TMEM214: variants seen among roughly 807,000 people sequenced by gnomAD.
TMEM214 encodes transmembrane protein 214.
In TMEM214, 71 loss-of-function variants were observed where a neutral mutation model predicts 89.8. The observed-to-expected ratio is 0.79, with a 90% confidence interval of 0.65 to 0.96. The LOEUF (loss-of-function observed/expected upper bound fraction) is 0.96. Ranked by LOEUF, TMEM214 falls within the 40% of genes least tolerant of loss-of-function variation. The pLI is 0.00. For missense variants in TMEM214, 754 were observed against 843.4 expected (o/e 0.89, Z 1.31); for synonymous variants, 332 against 349.5 (o/e 0.95, Z 0.56).
At chr2:27,035,551 G>A (rs781630855) in intron 3 of TMEM214, 43 bp from the exon 4 acceptor site, 4 of 1,610,094 alleles carry the variant, frequency 2.5e-6, no homozygotes, top group Non-Finnish European at 3.4e-6. Context: ...AGAGCTGATG[G>A]GTGTCTGGTC....
Position 27,040,434 on chromosome 2 carries a change from A to T in TMEM214, c.1881A>T (p.Pro627=), listed in dbSNP as rs1667787810. The part of the protein sequence containing the change: ...PLLFHQNVLL[P]LWHLLLEALA... ...TTTTCCACCAGAATGTGCTGCTGCC[A>T]CTGTGGCACCTCTTGCTTGAGGCCC... The change falls in exon 16 of 17, where the codon CCA becomes CCT. Residue 627 remains proline (P), a synonymous_variant. Coordinates refer to ENST00000238788, the MANE Select transcript of TMEM214 (RefSeq NM_017727.5). 8.1e-6 allele frequency: 13 copies of T among 1,614,172 alleles called. No homozygotes were observed. In the East Asian group the frequency reaches 2.9e-4, roughly 36 times the overall value.
In TMEM214 at chr2:27,038,093, G is replaced by A. The variant is rs369226571; in HGVS notation, c.1153-53G>A. 19 of 1,613,332 alleles carry A rather than the reference G, an allele frequency of 1.2e-5. No individual in the cohort carries two copies. The East Asian group carries it at 1.6e-4, about 13-fold the overall frequency. On this transcript the variant is annotated intron_variant, in intron 9 of 16. Coordinates refer to ENST00000238788, the MANE Select transcript of TMEM214 (RefSeq NM_017727.5). The surrounding 1 kb of genome is among the most constrained non-coding windows in gnomAD (Gnocchi z 4.4). ...AGGGGATCACCTCTTAGCACTCCCC[G>A]CCTCTGCCAGCCCCATGCCCCCAGC...
At position 27,038,828 on chromosome 2, in the gene TMEM214, G is replaced by A. The variant is rs759412175; in HGVS notation, c.1407+13G>A. On this transcript the variant is annotated intron_variant, in intron 12 of 16. Transcript: ENST00000238788. The surrounding 1 kb of genome is among the most constrained non-coding windows in gnomAD (Gnocchi z 4.4). ...CATGGCCTGCAAGGTGCTGGCACCC[G>A]GTCCTCTCCAGCCCACACGCTATCT... 27 of 1,606,894 alleles carry A rather than the reference G, an allele frequency of 1.7e-5. No homozygotes were observed. Among genetic ancestry groups the A allele is most frequent in the Middle Eastern group, 1.6e-4 (1 of 6,072 alleles).
rs769067968 is a variant in TMEM214 at position 27,039,726 on chromosome 2, G to C, written c.1526-15G>C. On this transcript the variant is annotated splice_polypyrimidine_tract_variant and intron_variant, in intron 13 of 16. Coordinates refer to ENST00000238788, the MANE Select transcript of TMEM214 (RefSeq NM_017727.5). ...CCTCTCACCTCCCAGCTCACCAGAG[G>C]CCCCCTTTACTTAGCCTCCCTTACT... The C allele has an allele frequency of 1.2e-6, 2 of 1,612,184 alleles. No individual in the cohort carries two copies. The highest frequency in any genetic ancestry group is 8.5e-7 in the Non-Finnish European group (1 of 1,178,356).
intron 16 of TMEM214, 99 bp from the exon 17 acceptor site, chr2:27,040,612 G>A: frequency 1.3e-6 from 2 of 1,585,482 alleles, no homozygotes; most frequent in Admixed American, 3.4e-5. Flanking sequence ...TCCCATTCCT[G>A]GCCACCCTGG....
At chr2:27,035,366 C>G in intron 3 of TMEM214, 81 bp downstream of exon 3, 1 of 1,566,678 alleles carries the variant, frequency 6.4e-7, no homozygotes. Flanking sequence ...CAGTGCCCCA[C>G]ACTGTCCTGA....
rs1303629998 is a variant in TMEM214, at chr2:27,035,227, T to C, written c.444T>C (p.Tyr148=). ...TATGGTTGAAGGACCTGGCCAGCTA[T>C]CTCAACTACAAGCTACAAGCTCCTC... is the stretch of plus-strand genomic sequence containing the variant. ...PSIWLKDLAS[Y]LNYKLQAPLS... Residue 148 remains tyrosine, a synonymous_variant, in exon 3 of 17, where the codon TAT becomes TAC. Coordinates refer to ENST00000238788, the MANE Select transcript of TMEM214 (RefSeq NM_017727.5). The C allele has an allele frequency of 6.2e-7, 1 of 1,614,202 alleles. No homozygotes were observed. Among genetic ancestry groups the C allele is most frequent in the Non-Finnish European group, 8.5e-7 (1 of 1,180,034 alleles).
At chr2:27,039,586 TCCC>T in intron 13 of TMEM214, 152 bp from the exon 14 acceptor site, 1 of 700,818 alleles carries the variant, frequency 1.4e-6, no homozygotes, top group Non-Finnish European at 2.6e-6. Flanking sequence ...TCTGCATGCC[TCCC>T]TCCACAGCAG....
chr2:27,038,158 C>T lies in TMEM214; in HGVS notation c.1165C>T (p.Leu389=). 1 of 1,614,150 alleles carries T rather than the reference C, an allele frequency of 6.2e-7. No individual in the cohort carries two copies. The highest frequency in any genetic ancestry group is 8.5e-7 in the Non-Finnish European group (1 of 1,180,016). Residue 389 remains leucine (L), a synonymous_variant, in exon 10 of 17, where the codon CTG becomes TTG. Coordinates refer to ENST00000238788, the MANE Select transcript of TMEM214 (RefSeq NM_017727.5). The surrounding 1 kb of genome is among the most constrained non-coding windows in gnomAD (Gnocchi z 4.4). ...TCGTGCTGTGCAGCTCCTGAGCAGC[C>T]TGACTGAGTGCCTGACGGTGGACCC... ...PEMKKELLSS[L]TECLTVDPLS...
chr2:27,040,088 A>G lies in TMEM214; in HGVS notation c.1681A>G (p.Ser561Gly), dbSNP rs1342376203. 1 of 1,609,184 alleles carries G rather than the reference A, an allele frequency of 6.2e-7. No individual in the cohort carries two copies. Among genetic ancestry groups the G allele is most frequent in the East Asian group, 2.2e-5 (1 of 44,874 alleles). Residue 561 changes from serine to glycine, a missense_variant, in exon 15 of 17, where the codon AGC (serine) becomes GGC (glycine). By Grantham distance (56) the Ser-to-Gly change is moderately conservative. Coordinates refer to ENST00000238788, the MANE Select transcript of TMEM214 (RefSeq NM_017727.5). ...GSHLLTVVRP[S>G]LQLAWAHTNA... ...CCACCTGCTCACCGTGGTGCGGCCC[A>G]GCTTGCAGCTGGCCTGGGCTCACAC...
chr2:27,039,567 A>C (rs1667727767), intron 13 of TMEM214, 174 bp from the exon 14 acceptor site: 1 of 642,876 alleles, frequency 1.6e-6, no homozygotes, highest in Non-Finnish European at 2.8e-6. Context: ...CCAGCAGGAG[A>C]AGGGCAGCTC....
Position 27,034,234 on chromosome 2 carries a change from C to G in TMEM214, c.319C>G (p.Arg107Gly). ...TCCCAACCAAAACCAGAAGCAGGGC[C>G]GCTTCCGCAGCCTGGAGGAAGCACT... Reference protein sequence around the residue: ...TPPNQNQKQGRFRSLEEALKA... With the variant: ...TPPNQNQKQGGFRSLEEALKA... Residue 107 changes from arginine (R) to glycine (G), a missense_variant, in exon 2 of 17, where the codon CGC becomes GGC. Physicochemically the swap from Arg to Gly is moderately radical, Grantham distance 125. Transcript: ENST00000238788. 6.2e-7 allele frequency: 1 copy of G among 1,614,066 alleles called. No individual in the cohort carries two copies. The highest frequency in any genetic ancestry group is 8.5e-7 in the Non-Finnish European group (1 of 1,180,046).
intron 5 of TMEM214, among the ~76,000 whole-genome samples, 160 bp downstream of exon 5, chr2:27,036,212 C>A (rs919427195): frequency 6.6e-6 from 1 of 152,224 alleles, no homozygotes; most frequent in Non-Finnish European, 1.5e-5. Context: ...GCTCTGGAAA[C>A]ATAGGAGCAA....
Position 27,037,984 on chromosome 2 carries a change from C to T in TMEM214, c.1153-162C>T, listed in dbSNP as rs1281193897. On this transcript the variant is annotated intron_variant, in intron 9 of 16. Transcript: ENST00000238788. ...GAGCCCCAGCCTCCTGCTTTACAGC[C>T]TCTCAGAGAGCTTTCTGGAGTCTTG... The T allele has an allele frequency of 3.8e-6, 6 of 1,564,548 alleles. No individual in the cohort carries two copies. In the African/African-American group the frequency reaches 8.2e-5, roughly 21 times the overall value.
rs1307403361 is a variant in TMEM214, at chr2:27,035,009, G to T, written c.352-126G>T. 12 of 1,025,394 alleles carry T rather than the reference G, an allele frequency of 1.2e-5. No individual in the cohort carries two copies. In the South Asian group the frequency reaches 1.6e-4, roughly 13 times the overall value. 63.5% of individuals were successfully genotyped at this position (1,025,394 alleles called of 1,614,324 possible). On this transcript the variant is annotated intron_variant, in intron 2 of 16. Coordinates refer to ENST00000238788, the MANE Select transcript of TMEM214 (RefSeq NM_017727.5). ...GAATTGCAGCATTCCATGTTCTTAT[G>T]CTTAAAAATGGAATCCCTTCTTCCT... is the stretch of plus-strand genomic sequence containing the variant.
At chr2:27,037,948 C>T (rs1667641179) in intron 9 of TMEM214, 198 bp from the exon 10 acceptor site, 31 of 1,548,652 alleles carry the variant, frequency 2.0e-5, no homozygotes, top group Non-Finnish European at 2.7e-5. Flanking sequence ...GAGCTCAAAG[C>T]TCTAGCTCAG....
chr2:27,040,924 T>A lies in TMEM214; in HGVS notation c.*87T>A. On this transcript the variant is annotated 3_prime_UTR_variant, in exon 17 of 17. Coordinates refer to ENST00000238788, the MANE Select transcript of TMEM214 (RefSeq NM_017727.5). ...AAGGTGGCAGTTCTTCATGGGAGTC[T>A]TTTTAACTTGGTGCCTGAGTTCTCT... is the stretch of plus-strand genomic sequence containing the variant. 1 of 1,533,756 alleles carries A rather than the reference T, an allele frequency of 6.5e-7. No homozygotes were observed. Among genetic ancestry groups the A allele is most frequent in the South Asian group, 1.2e-5 (1 of 84,084 alleles).
rs1198129230 is a variant in TMEM214 at position 27,032,995 on chromosome 2, G to C, written c.-21G>C. ...GGACCGGAAAGCCGGGGAAGTGGCC[G>C]AGGAGGGAGGGCTGCGAGCCATGGC... On this transcript the variant is annotated 5_prime_UTR_variant, in exon 1 of 17. Transcript: ENST00000238788. The C allele has an allele frequency of 1.6e-6, 2 of 1,245,550 alleles. No homozygotes were observed. The highest frequency in any genetic ancestry group is 3.1e-5 in the African/African-American group (2 of 64,398). The allele number at this position is 1,245,550 out of a possible 1,614,324, so 77.2% of individuals were successfully genotyped here. A position where few individuals can be genotyped will look rare whatever the true frequency, so the allele number is the denominator to read the frequency against.
In TMEM214 at chr2:27,039,116, G is replaced by C; in HGVS notation, c.1477G>C (p.Ala493Pro). ...TRLLLLLLVF[A>P]VGFLCHDLRS... ...GCTCCTCCTGTTGCTGCTGGTCTTC[G>C]CTGTAGGCTTCCTGTGCCATGACCT... The change falls in exon 13 of 17, where the codon GCT becomes CCT. Residue 493 changes from alanine to proline, a missense_variant. Physicochemically the swap from Ala to Pro is conservative, Grantham distance 27. Transcript: ENST00000238788. The C allele has an allele frequency of 6.2e-7, 1 of 1,613,852 alleles. No homozygotes were observed. The highest frequency in any genetic ancestry group is 1.3e-5 in the African/African-American group (1 of 75,058).
Sources: gnomAD v4.1 joint callset for allele counts (sites outside exome capture counted in the v4.1 genomes callset) on GRCh38, gnomAD v4.1.1 for gene constraint, Gnocchi (gnomAD v3.1) non-coding constraint, MANE v1.5 for transcripts, NCBI Gene and HGNC (gene_info 2026-07-23, HGNC 2026-07-21) for gene names.